CDS1: variants seen among roughly 807,000 people sequenced by gnomAD.
CDS1 encodes the protein CDP-diacylglycerol synthase 1, also known as phosphatidate cytidylyltransferase 1.
CDS1 carries 41 observed loss-of-function variants against 62.1 expected under a neutral mutation model. That is an observed-to-expected ratio of 0.66 (90% confidence interval 0.51 to 0.86). The LOEUF is 0.86. Ranked by LOEUF, CDS1 falls within the 40% of genes least tolerant of loss-of-function variation. CDS1 has a pLI of 0.00. For missense variants in CDS1, 470 were observed against 550.1 expected, an observed-to-expected ratio of 0.85 and a Z score of 1.46; for synonymous variants, 185 against 192.6, an observed-to-expected ratio of 0.96 and a Z score of 0.32.
intron 1 of CDS1, among the ~76,000 whole-genome samples, chr4:84,603,389 C>G (rs1340426787): frequency 3.3e-5 from 5 of 152,158 alleles, no homozygotes; most frequent in Admixed American, 3.3e-4. Flanking sequence ...GTGTGTTCAC[C>G]ACTCATAACT....
At chr4:84,591,041 T>A (rs1722576963) in intron 1 of CDS1, among the ~76,000 whole-genome samples, 1 of 152,238 alleles carries the variant, frequency 6.6e-6, no homozygotes, top group African/African-American at 2.4e-5. Flanking sequence ...AATAAAAGTT[T>A]CTTTTCCTTT....
At chr4:84,631,908 A>G in intron 6 of CDS1, 31 bp downstream of exon 6, 2 of 1,496,520 alleles carry the variant, frequency 1.3e-6, no homozygotes, top group Non-Finnish European at 9.3e-7. Context: ...CTTAGTCATT[A>G]TCTGTGATAA....
intron 6 of CDS1, among the ~76,000 whole-genome samples, chr4:84,633,089 A>C (rs1026805884): frequency 1.1e-4 from 17 of 152,194 alleles, no homozygotes; most frequent in Non-Finnish European, 2.4e-4. Flanking sequence ...ACACCACTGC[A>C]CTCCAGCCTG....
intron 2 of CDS1, among the ~76,000 whole-genome samples, chr4:84,606,527 A>G (rs1390406215): frequency 1.3e-5 from 2 of 152,120 alleles, no homozygotes; most frequent in African/African-American, 4.8e-5. Flanking sequence ...CTGACCACCT[A>G]TTGCTGGGCA....
intron 1 of CDS1, among the ~76,000 whole-genome samples, chr4:84,597,828 A>G (rs1438998886): frequency 1.3e-5 from 2 of 151,932 alleles, no homozygotes; most frequent in Non-Finnish European, 2.9e-5. Flanking sequence ...CCATGCCTGT[A>G]TGAAAACCAT....
At chr4:84,620,516 C>T (rs1286230139) in intron 5 of CDS1, among the ~76,000 whole-genome samples, 1 of 151,476 alleles carries the variant, frequency 6.6e-6, no homozygotes, top group Non-Finnish European at 1.5e-5. Flanking sequence ...GCCACCGCGC[C>T]TGGCCTAATT....
chr4:84,647,182 T>C (rs753119757), intron 12 of CDS1, among the ~76,000 whole-genome samples: 5 of 152,166 alleles, frequency 3.3e-5, no homozygotes, highest in Non-Finnish European at 7.3e-5. Flanking sequence ...AGTAAGCATA[T>C]AGCTGATTTT....
chr4:84,599,399 CACACACAT>C (rs1426429768), intron 1 of CDS1, among the ~76,000 whole-genome samples: 3 of 18,076 alleles, frequency 1.7e-4, no homozygotes, highest in Admixed American at 1.9e-3. Flanking sequence ...TTTTGACACA[CACACACAT>C]ATATATATAT....
At chr4:84,609,703 G>A (rs777957337) in intron 3 of CDS1, among the ~76,000 whole-genome samples, 178 bp downstream of exon 3, 2 of 152,048 alleles carry the variant, frequency 1.3e-5, no homozygotes, top group Non-Finnish European at 2.9e-5. Flanking sequence ...TTTTCTGTTT[G>A]CAAAATGACT....
At chr4:84,592,154 ATTTTTTTT>A (rs72236126) in intron 1 of CDS1, among the ~76,000 whole-genome samples, 13 of 86,044 alleles carry the variant, frequency 1.5e-4, no homozygotes, top group African/African-American at 2.9e-4. Context: ...TTAATGACCA[ATTTTTTTT>A]TTTTTTTTTT....
At chr4:84,615,610 C>T (rs1723466992) in intron 3 of CDS1, among the ~76,000 whole-genome samples, 2 of 152,116 alleles carry the variant, frequency 1.3e-5, no homozygotes, top group Admixed American at 6.6e-5. Context: ...GGTGTGTCTG[C>T]CTCTACACAC....
At chr4:84,620,782 T>G (rs528400156) in intron 5 of CDS1, among the ~76,000 whole-genome samples, 1 of 151,960 alleles carries the variant, frequency 6.6e-6, no homozygotes, top group Non-Finnish European at 1.5e-5. Context: ...ATATTTGGGC[T>G]GGGCGTGGTG....
At chr4:84,599,506 AG>A (rs1239844281) in intron 1 of CDS1, among the ~76,000 whole-genome samples, 1 of 145,930 alleles carries the variant, frequency 6.9e-6, no homozygotes, top group African/African-American at 2.5e-5. Flanking sequence ...CACCACTAAA[AG>A]TTTGCCCCTT....
At chr4:84,611,414 ATG>A (rs35263989) in intron 3 of CDS1, among the ~76,000 whole-genome samples, 2,460 of 152,162 alleles carry the variant, frequency 0.016, 66 homozygotes, top group African/African-American at 0.056. Flanking sequence ...CCACTTAGAA[ATG>A]TGTTTATCCA....
Position 84,606,647 on chromosome 4 carries a change from T to A in CDS1, c.245+2277T>A, listed in dbSNP as rs145225450. Among the ~76,000 whole-genome samples the A allele has an allele frequency of 3.2e-3, 493 of 152,290 alleles. 5 individuals carry two copies. The highest frequency in any genetic ancestry group is 0.011 in the African/African-American group (454 of 41,566). ...TAATTATTTCCTTAGGATAAAGTCC[T>A]AAAAGGGAAATCCCTTGGTCAAGTT... On this transcript the variant is annotated intron_variant, in intron 2 of 12. Transcript: ENST00000295887.
At chr4:84,610,583 T>C (rs1249346992) in intron 3 of CDS1, among the ~76,000 whole-genome samples, 1 of 152,218 alleles carries the variant, frequency 6.6e-6, no homozygotes, top group African/African-American at 2.4e-5. Flanking sequence ...AAAATGTACC[T>C]GTCTCTGCCC....
intron 1 of CDS1, among the ~76,000 whole-genome samples, chr4:84,587,031 A>T (rs1390400309): frequency 1.3e-5 from 2 of 152,158 alleles, no homozygotes; most frequent in African/African-American, 4.8e-5. Context: ...GAAAAGAGGG[A>T]TGCATGTCTT....
intron 1 of CDS1, among the ~76,000 whole-genome samples, chr4:84,598,355 G>A (rs1194998013): frequency 4.6e-5 from 7 of 151,118 alleles, no homozygotes; most frequent in Non-Finnish European, 7.4e-5. Flanking sequence ...CCACATCAAG[G>A]GATTCTTGAC....
chr4:84,619,406 G>A lies in CDS1; in HGVS notation c.453G>A (p.Leu151=), dbSNP rs1008586093. ...TTTTAAATTATAGGTACTTTCTATTGTGTGTAAACTACTTTTTCTATGGAG... is the reference window on the plus strand; with the variant it reads ...TTTTAAATTATAGGTACTTTCTATTATGTGTAAACTACTTTTTCTATGGAG... ...WFRTLSWYFL[L]CVNYFFYGET... is the part of the protein sequence containing the mutation. The change falls in exon 5 of 13, where the codon TTG becomes TTA. Residue 151 remains leucine, a synonymous_variant. Transcript: ENST00000295887. 4.6e-6 allele frequency: 7 copies of A among 1,532,534 alleles called. No individual in the cohort carries two copies. Among genetic ancestry groups the A allele is most frequent in the Admixed American group, 1.9e-5 (1 of 53,954 alleles). The allele number at this position is 1,532,534 out of a possible 1,614,324, so 94.9% of individuals were successfully genotyped here.
Sources: allele counts gnomAD v4.1 joint callset (sites outside exome capture counted in the v4.1 genomes callset), GRCh38; gene constraint gnomAD v4.1.1; transcripts MANE v1.5; gene names NCBI Gene and HGNC (gene_info 2026-07-23, HGNC 2026-07-21).